DENND4A: variants seen among roughly 807,000 people sequenced by gnomAD.
DENND4A encodes the protein C-myc promoter-binding protein.
Under a neutral mutation model 199.3 loss-of-function variants are expected in DENND4A, and 70 were observed. That is an observed-to-expected ratio of 0.35 (90% CI 0.29 to 0.43). The LOEUF (loss-of-function observed/expected upper bound fraction) is 0.43, where lower values mean the gene tolerates loss of function less well. Ranked by LOEUF, DENND4A falls within the 20% of genes least tolerant of loss-of-function variation. The pLI is 1.00. For synonymous variants in DENND4A, 686 were observed against 766.9 expected, an observed-to-expected ratio of 0.89 and a Z score of 1.74; for missense variants, 1,723 against 2,255.8, an observed-to-expected ratio of 0.76 and a Z score of 4.78.
At position 65,690,422 on chromosome 15, in the gene DENND4A, G is replaced by T; in HGVS notation, c.4172C>A (p.Ser1391Ter). Residue 1391 changes from serine (S) to a stop codon, truncating the protein, a stop_gained, in exon 23 of 33, where the codon TCA becomes TAA. Transcript: ENST00000443035. LOFTEE classifies it high-confidence loss of function. The stretch of plus-strand genomic sequence containing the variant: ...AATACTAACCAAACTTACCTTAGAT[G>T]ATGTGGTGTACATGGTGAATCTTGA... ...WYSRFTMYTT[S>*]SKDQSSDRTS... The T allele has an allele frequency of 6.4e-7, 1 of 1,564,656 alleles. No homozygotes were observed. The highest frequency in any genetic ancestry group is 1.2e-5 in the South Asian group (1 of 82,238).
chr15:65,701,567 C>A (rs989383276), intron 18 of DENND4A, among the ~76,000 whole-genome samples, 195 bp downstream of exon 18: 4 of 151,948 alleles, frequency 2.6e-5, no homozygotes, highest in East Asian at 1.9e-4. Flanking sequence ...CAGAGTGAGA[C>A]CCTGTTTCAA....
intron 1 of DENND4A, among the ~76,000 whole-genome samples, chr15:65,775,637 C>CAA (rs59714693): frequency 0.13 from 3,678 of 27,654 alleles, 755 homozygotes; most frequent in African/African-American, 0.2. Context: ...CAAGACTCCT[C>CAA]AAAAAAAAAA....
intron 13 of DENND4A, 77 bp downstream of exon 13, chr15:65,717,701 T>C: frequency 1.6e-6 from 2 of 1,259,832 alleles, no homozygotes; most frequent in Non-Finnish European, 2.2e-6. Context: ...ATATGAGCTA[T>C]TAATACAGAC....
At chr15:65,677,709 T>G (rs977632540) in intron 23 of DENND4A, among the ~76,000 whole-genome samples, 1 of 152,168 alleles carries the variant, frequency 6.6e-6, no homozygotes, top group Non-Finnish European at 1.5e-5. Flanking sequence ...GATACCTAAG[T>G]GTACCAACAC....
chr15:65,760,732 T>C (rs1222377390), intron 2 of DENND4A, among the ~76,000 whole-genome samples: 6 of 151,670 alleles, frequency 4.0e-5, no homozygotes, highest in African/African-American at 1.5e-4. Context: ...CTACCAAAAA[T>C]ACAAAAATTA....
intron 23 of DENND4A, among the ~76,000 whole-genome samples, chr15:65,685,193 C>G (rs1596428687): frequency 6.6e-6 from 1 of 151,754 alleles, no homozygotes; most frequent in Admixed American, 6.6e-5. Flanking sequence ...GTGGCGCAAT[C>G]TCAGCTCACC....
intron 1 of DENND4A, among the ~76,000 whole-genome samples, chr15:65,785,454 C>T (rs1370816209): frequency 3.4e-5 from 5 of 147,654 alleles, no homozygotes; most frequent in East Asian, 2.0e-4. Context: ...CACATCACCG[C>T]GCTCCAACCT....
intron 2 of DENND4A, among the ~76,000 whole-genome samples, chr15:65,757,036 T>TCAAA (rs944425787): frequency 3.3e-5 from 5 of 151,724 alleles, no homozygotes; most frequent in Middle Eastern, 3.4e-3. Flanking sequence ...AAACTCCATC[T>TCAAA]CAAATAAATA....
Position 65,706,166 on chromosome 15 carries a change from C to T in DENND4A, c.2012G>A (p.Ser671Asn). The change falls in exon 15 of 33, where the codon AGT becomes AAT. Residue 671 changes from serine (S) to asparagine (N), a missense_variant. Coordinates refer to ENST00000443035, the MANE Select transcript of DENND4A (RefSeq NM_001320835.1). ...TGGTGTTACAAAAACAGTGTGTTCA[C>T]TTTTGAAAGATTCATCCAGTTCTAT... ...RLIELDESFK[S>N]EHTVFVTPPE... 6.2e-7 allele frequency: 1 copy of T among 1,606,996 alleles called. No individual in the cohort carries two copies. Among genetic ancestry groups the T allele is most frequent in the Non-Finnish European group, 8.5e-7 (1 of 1,176,710 alleles).
At position 65,733,346 on chromosome 15, in the gene DENND4A, T is replaced by TGC. The variant is rs2076016499; in HGVS notation, c.1041-529_1041-528insGC. On this transcript the variant is annotated intron_variant, in intron 7 of 32. Coordinates refer to ENST00000443035, the MANE Select transcript of DENND4A (RefSeq NM_001320835.1). ...AAAGCTAGATCTATGGATTTTGTTTTTAACACTATGGAACAGAAAAAAAGC... is the reference window on the plus strand; with the variant it reads ...AAAGCTAGATCTATGGATTTTGTTTTGCTAACACTATGGAACAGAAAAAAAGC... Among the ~76,000 whole-genome samples the TGC allele has an allele frequency of 2.6e-5, 4 of 152,262 alleles. No homozygotes were observed. The South Asian group carries it at 8.3e-4, about 32-fold the overall frequency.
Position 65,691,590 on chromosome 15 carries a change from T to C in DENND4A, c.3083-79A>G, listed in dbSNP as rs115666187. The C allele has an allele frequency of 7.8e-4, 1,070 of 1,376,202 alleles. 9 individuals carry two copies. In the African/African-American group the frequency reaches 0.014, roughly 18 times the overall value. The allele number at this position is 1,376,202 out of a possible 1,614,324, so 85.2% of individuals were successfully genotyped here. On this transcript the variant is annotated intron_variant, in intron 22 of 32. Coordinates refer to ENST00000443035, the MANE Select transcript of DENND4A (RefSeq NM_001320835.1). ...TCATCTTAAATATTTAAAATTCTAG[T>C]GATGAAAATGATAATAGCAAGCACT...
At chr15:65,727,132 T>C (rs1272345254) in intron 11 of DENND4A, among the ~76,000 whole-genome samples, 1 of 151,648 alleles carries the variant, frequency 6.6e-6, no homozygotes, top group African/African-American at 2.4e-5. Flanking sequence ...GGGACAACAC[T>C]GCAAGACCCC....
Position 65,696,347 on chromosome 15 carries a change from A to C in DENND4A, c.3082+19T>G, listed in dbSNP as rs747845775. ...TACAATTTATTCCGCACATAACACAAGCGTACTATTCAACTTACCCATGCT... is the reference window on the plus strand; with the variant it reads ...TACAATTTATTCCGCACATAACACACGCGTACTATTCAACTTACCCATGCT... On this transcript the variant is annotated intron_variant, in intron 22 of 32. Transcript: ENST00000443035. 4 of 1,608,830 alleles carry C rather than the reference A, an allele frequency of 2.5e-6. No individual in the cohort carries two copies. Among genetic ancestry groups the C allele is most frequent in the Non-Finnish European group, 3.4e-6 (4 of 1,176,764 alleles).
chr15:65,661,471 G>A lies in DENND4A; in HGVS notation c.*380C>T, dbSNP rs912256827. 3.4e-4 allele frequency: 54 copies of A among 157,996 alleles called. 1 individual carries two copies. Among genetic ancestry groups the A allele is most frequent in the South Asian group, 2.0e-4 (1 of 4,980 alleles). The allele number at this position is 157,996 out of a possible 1,614,324, so 9.8% of individuals were successfully genotyped here. On this transcript the variant is annotated 3_prime_UTR_variant, in exon 33 of 33. Coordinates refer to ENST00000443035, the MANE Select transcript of DENND4A (RefSeq NM_001320835.1). ...AACATTTGAATAGTCTATGAAAACAGGAAATACGTTCATCTGACATTTCTG... is the reference window on the plus strand; with the variant it reads ...AACATTTGAATAGTCTATGAAAACAAGAAATACGTTCATCTGACATTTCTG...
rs1451350069 is a variant in DENND4A at position 65,722,755 on chromosome 15, C to T, written c.1588+93G>A. On this transcript the variant is annotated intron_variant, in intron 12 of 32. Transcript: ENST00000443035. The stretch of plus-strand genomic sequence containing the variant: ...TTTAAAATGGTAAAACCGCTTTCTG[C>T]TAGATAAACATTATTCTTTTATAAG... The T allele has an allele frequency of 3.1e-6, 3 of 976,666 alleles. No individual in the cohort carries two copies. The African/African-American group carries it at 5.1e-5, about 17-fold the overall frequency. The allele number at this position is 976,666 out of a possible 1,614,324, so 60.5% of individuals were successfully genotyped here.
chr15:65,687,397 TC>T (rs1276899921), intron 23 of DENND4A, among the ~76,000 whole-genome samples: 3 of 152,108 alleles, frequency 2.0e-5, no homozygotes, highest in East Asian at 3.8e-4. Flanking sequence ...GTTTTTCTTT[TC>T]TTTTTTTTTC....
chr15:65,708,914 T>C (rs552984684), intron 14 of DENND4A, among the ~76,000 whole-genome samples: 3 of 152,348 alleles, frequency 2.0e-5, no homozygotes, highest in African/African-American at 7.2e-5. Context: ...AATTCTCATA[T>C]ATTGTTTTTC....
At chr15:65,763,679 CAAAAAAAA>C (rs11357605) in intron 1 of DENND4A, among the ~76,000 whole-genome samples, 3 of 87,548 alleles carry the variant, frequency 3.4e-5, no homozygotes, top group Non-Finnish European at 4.5e-5. Context: ...GACCTTGTCT[CAAAAAAAA>C]AAAAAAAAAA....
chr15:65,690,858 G>A lies in DENND4A; in HGVS notation c.3736C>T (p.Arg1246Cys), dbSNP rs772189708. The part of the protein sequence containing the change: ...SKSISTPSAR[R>C]DLAEEIVMYM... Reference sequence around the variant, plus strand: ...ATCACAATTTCTTCAGCTAAATCACGCCTAGCAGATGGTGTTGAAATGCTT... The same window carrying A: ...ATCACAATTTCTTCAGCTAAATCACACCTAGCAGATGGTGTTGAAATGCTT... Residue 1246 changes from arginine (R) to cysteine (C), a missense_variant, in exon 23 of 33, where the codon CGT becomes TGT. Physicochemically the swap from Arg to Cys is radical, Grantham distance 180. Transcript: ENST00000443035. 1.2e-5 allele frequency: 19 copies of A among 1,612,198 alleles called. No individual in the cohort carries two copies. Among genetic ancestry groups the A allele is most frequent in the Admixed American group, 1.7e-5 (1 of 59,748 alleles).
Sources: allele counts gnomAD v4.1 joint callset (sites outside exome capture counted in the v4.1 genomes callset), GRCh38; gene constraint gnomAD v4.1.1; transcripts MANE v1.5; gene names NCBI Gene and HGNC (gene_info 2026-07-23, HGNC 2026-07-21).